GRIN2B: variants seen among roughly 807,000 people sequenced by gnomAD.
GRIN2B encodes glutamate receptor ionotropic, NMDA 2B.
In GRIN2B, 5 loss-of-function variants were observed where a neutral mutation model predicts 114.5. That is an observed-to-expected ratio of 0.04 (90% CI 0.02 to 0.09). The LOEUF (loss-of-function observed/expected upper bound fraction) is 0.09, where lower values mean the gene tolerates loss of function less well. Among genes scored for constraint, GRIN2B ranks in the 10% least tolerant of loss-of-function variants. The pLI is 1.00. For synonymous variants in GRIN2B, 787 were observed against 745.1 expected (o/e 1.06, Z -0.92); for missense variants, 1,108 against 1,943.5 (o/e 0.57, Z 8.08).
At chr12:13,917,819 A>G (rs558572345) in intron 2 of GRIN2B, among the ~76,000 whole-genome samples, 1 of 152,352 alleles carries the variant, frequency 6.6e-6, no homozygotes, top group South Asian at 2.1e-4. Context: ...GCAATTTCAA[A>G]ATATGCAACA....
chr12:13,840,850 T>A (rs1178522177), intron 3 of GRIN2B, among the ~76,000 whole-genome samples: 1 of 149,880 alleles, frequency 6.7e-6, no homozygotes, highest in East Asian at 2.0e-4. Flanking sequence ...GAATTGTTTG[T>A]CCTATCATTT....
At chr12:13,744,672 G>A (rs981483080) in intron 4 of GRIN2B, among the ~76,000 whole-genome samples, 43 of 152,228 alleles carry the variant, frequency 2.8e-4, no homozygotes, top group African/African-American at 9.9e-4. Context: ...GCCCCCGGCC[G>A]GCTGCTGCTG....
At chr12:13,605,551 T>TCACACA in intron 10 of GRIN2B, among the ~76,000 whole-genome samples, 3 of 30,444 alleles carry the variant, frequency 9.9e-5, no homozygotes, top group Admixed American at 3.8e-4. Context: ...TCTCTCTCTC[T>TCACACA]GACACACACA....
At position 13,739,879 on chromosome 12, in the gene GRIN2B, G is replaced by A. The variant is rs774630155; in HGVS notation, c.1010+13438C>T. Among the ~76,000 whole-genome samples the A allele has an allele frequency of 5.9e-5, 9 of 152,178 alleles. 1 individual carries two copies. Among genetic ancestry groups the A allele is most frequent in the Admixed American group, 5.2e-4 (8 of 15,280 alleles). Reference sequence around the variant, plus strand: ...AAAAGGAACGCTGCTGAGTAGCACCGGGCGTCATGGCAACACCATGGTTCC... The same window carrying A: ...AAAAGGAACGCTGCTGAGTAGCACCAGGCGTCATGGCAACACCATGGTTCC... On this transcript the variant is annotated intron_variant, in intron 4 of 13. Coordinates refer to ENST00000609686, the MANE Select transcript of GRIN2B (RefSeq NM_000834.5).
At chr12:13,647,028 G>A (rs1949766922) in intron 5 of GRIN2B, among the ~76,000 whole-genome samples, 1 of 152,054 alleles carries the variant, frequency 6.6e-6, no homozygotes, top group Non-Finnish European at 1.5e-5. Flanking sequence ...AATGAATTCA[G>A]CCAATGAGCA....
intron 4 of GRIN2B, among the ~76,000 whole-genome samples, chr12:13,736,683 C>T (rs1036892547): frequency 6.6e-6 from 1 of 152,122 alleles, no homozygotes; most frequent in Non-Finnish European, 1.5e-5. Context: ...TAGCTGCCTA[C>T]GTAAGATATT....
At chr12:13,795,274 A>G (rs956130146) in intron 3 of GRIN2B, among the ~76,000 whole-genome samples, 1 of 152,186 alleles carries the variant, frequency 6.6e-6, no homozygotes, top group Non-Finnish European at 1.5e-5. Context: ...TTAACACATC[A>G]GGGTATCTAA....
intron 9 of GRIN2B, 99 bp downstream of exon 9, chr12:13,611,626 G>A: frequency 8.4e-7 from 1 of 1,193,484 alleles, no homozygotes; most frequent in Non-Finnish European, 1.3e-6. Flanking sequence ...TTCAGAAATG[G>A]ATATGCTAGG....
At position 13,550,657 on chromosome 12, in the gene GRIN2B, T is replaced by C. The variant is rs1415382859; in HGVS notation, c.*12126A>G. The C allele has an allele frequency of 3.9e-5, 6 of 152,214 alleles. No individual in the cohort carries two copies. Among genetic ancestry groups the C allele is most frequent in the South Asian group, 2.1e-4 (1 of 4,818 alleles). 9.4% of individuals were successfully genotyped at this position (152,214 alleles called of 1,614,324 possible). The stretch of plus-strand genomic sequence containing the variant: ...CTATGTTGCTCTACCACAAAGAAAA[T>C]GCTGCCTTCACATAAAGCCTCTTTT... On this transcript the variant is annotated 3_prime_UTR_variant, in exon 14 of 14. Transcript: ENST00000609686.
Position 13,564,467 on chromosome 12 carries a change from A to C in GRIN2B, c.2771T>G (p.Phe924Cys), listed in dbSNP as rs1293276643. ...ATAGACGGATGACTCCCGTCGGATG[A>C]AGTCCAGGGCGCTCTGCGGTGAGCC... ...VNGSPQSALD[F>C]IRRESSVYDI... Residue 924 changes from phenylalanine to cysteine, a missense_variant, in exon 14 of 14, where the codon TTC (phenylalanine) becomes TGC (cysteine). By Grantham distance (205) the Phe-to-Cys change is radical (BLOSUM62 -2). Coordinates refer to ENST00000609686, the MANE Select transcript of GRIN2B (RefSeq NM_000834.5). The surrounding 1 kb of genome is among the most constrained non-coding windows in gnomAD (Gnocchi z 4.8). The C allele has an allele frequency of 6.2e-7, 1 of 1,614,222 alleles. No individual in the cohort carries two copies.
At chr12:13,867,145 A>G (rs1256263140) in intron 2 of GRIN2B, among the ~76,000 whole-genome samples, 1 of 152,228 alleles carries the variant, frequency 6.6e-6, no homozygotes, top group Non-Finnish European at 1.5e-5. Flanking sequence ...CAGCTGAAGT[A>G]ATGTTAGAGC....
At chr12:13,780,817 G>A (rs1864097097) in intron 3 of GRIN2B, among the ~76,000 whole-genome samples, 1 of 138,442 alleles carries the variant, frequency 7.2e-6, no homozygotes, top group African/African-American at 2.8e-5. Flanking sequence ...AAAAGGTATT[G>A]TAAGGGCAGG....
chr12:13,695,844 A>T (rs1325484399), intron 4 of GRIN2B, among the ~76,000 whole-genome samples: 2 of 151,604 alleles, frequency 1.3e-5, no homozygotes, highest in Non-Finnish European at 2.9e-5. Context: ...AACAATGCAA[A>T]CCTGAACCCC....
intron 5 of GRIN2B, among the ~76,000 whole-genome samples, chr12:13,667,943 A>G (rs1016077579): frequency 3.3e-5 from 5 of 152,204 alleles, no homozygotes; most frequent in Admixed American, 6.5e-5. Flanking sequence ...AGATATAAAC[A>G]TAGAATTTTC....
rs754107657 is a variant in GRIN2B at position 13,962,085 on chromosome 12, T to TACACACACACACACACAC, written c.-19+17842_-19+17843insGTGTGTGTGTGTGTGTGT. 1.7e-3 allele frequency among the ~76,000 whole-genome samples: 105 copies of TACACACACACACACACAC among 60,418 alleles called. 1 individual carries two copies. Among genetic ancestry groups the TACACACACACACACACAC allele is most frequent in the African/African-American group, 5.3e-3 (95 of 18,038 alleles). The allele number at this position is 60,418 out of a possible 152,430, so 39.6% of individuals were successfully genotyped here. A position where few individuals can be genotyped will look rare whatever the true frequency, so the allele number is the denominator to read the frequency against. On this transcript the variant is annotated intron_variant, in intron 2 of 13. Coordinates refer to ENST00000609686, the MANE Select transcript of GRIN2B (RefSeq NM_000834.5). ...GTATTCTCAGATTCTGTCTCTCTCA[T>TACACACACACACACACAC]ACATACACACACACACACACACACA... is the stretch of plus-strand genomic sequence containing the variant.
At chr12:13,664,129 G>A (rs886740654) in intron 5 of GRIN2B, among the ~76,000 whole-genome samples, 1 of 152,158 alleles carries the variant, frequency 6.6e-6, no homozygotes, top group African/African-American at 2.4e-5. Context: ...TGAACTGTGT[G>A]TCAAAAGACA....
chr12:13,662,283 T>TG (rs1949932261), intron 5 of GRIN2B, among the ~76,000 whole-genome samples: 1 of 152,162 alleles, frequency 6.6e-6, no homozygotes, highest in Non-Finnish European at 1.5e-5. Flanking sequence ...GGCCTCAAAG[T>TG]GGGCCTGTAG....
At chr12:13,839,325 A>G (rs76302721) in intron 3 of GRIN2B, among the ~76,000 whole-genome samples, 103 of 152,342 alleles carry the variant, frequency 6.8e-4, no homozygotes, top group African/African-American at 2.3e-3. Flanking sequence ...GATGGAGCCC[A>G]GAAGCAGCTT....
intron 3 of GRIN2B, among the ~76,000 whole-genome samples, chr12:13,786,622 C>G (rs1190490959): frequency 6.6e-6 from 1 of 151,834 alleles, no homozygotes; most frequent in African/African-American, 2.4e-5. Flanking sequence ...CTGAGAAAGG[C>G]CTGGTGAACC....
Sources: gnomAD v4.1 joint callset for allele counts (sites outside exome capture counted in the v4.1 genomes callset) on GRCh38, gnomAD v4.1.1 for gene constraint, Gnocchi (gnomAD v3.1) non-coding constraint, MANE v1.5 for transcripts, NCBI Gene and HGNC (gene_info 2026-07-23, HGNC 2026-07-21) for gene names.